MAML3: variants seen among roughly 807,000 people sequenced by gnomAD.
MAML3 encodes the protein mastermind like transcriptional coactivator 3.
MAML3 carries 27 observed loss-of-function variants against 101.9 expected under a neutral mutation model. The ratio of observed to expected loss-of-function variants is 0.27; its 90% CI spans 0.20 to 0.37. MAML3 has a LOEUF of 0.37. Ranked by LOEUF, MAML3 falls within the 10% of genes least tolerant of loss-of-function variation. The pLI is 1.00. For missense variants in MAML3, 1,316 were observed against 1,444.9 expected (o/e 0.91, Z 1.45); for synonymous variants, 501 against 555.9 (o/e 0.90, Z 1.39).
intron 1 of MAML3, among the ~76,000 whole-genome samples, chr4:139,960,442 C>T (rs1277707110): frequency 6.6e-6 from 1 of 152,148 alleles, no homozygotes; most frequent in Non-Finnish European, 1.5e-5. Flanking sequence ...TGCTGGAGCT[C>T]CTCTGCTATA....
At chr4:139,923,228 G>A (rs1733159029) in intron 1 of MAML3, among the ~76,000 whole-genome samples, 4 of 152,090 alleles carry the variant, frequency 2.6e-5, no homozygotes, top group Admixed American at 2.0e-4. Flanking sequence ...GGATCCAGAC[G>A]GTGGAAGCTC....
At chr4:139,886,547 A>G (rs1732342441) in intron 2 of MAML3, among the ~76,000 whole-genome samples, 1 of 152,190 alleles carries the variant, frequency 6.6e-6, no homozygotes, top group South Asian at 2.1e-4. Context: ...ATTAAAAGTC[A>G]CAATTTGGAT....
At chr4:139,793,897 C>T (rs1354225784) in intron 2 of MAML3, among the ~76,000 whole-genome samples, 5 of 152,158 alleles carry the variant, frequency 3.3e-5, no homozygotes, top group African/African-American at 1.2e-4. Context: ...ACTGAGAATA[C>T]ATTACTTTCT....
intron 1 of MAML3, among the ~76,000 whole-genome samples, chr4:140,031,109 G>A (rs886757906): frequency 6.6e-6 from 1 of 152,104 alleles, no homozygotes; most frequent in Non-Finnish European, 1.5e-5. Flanking sequence ...CACGAGTTAT[G>A]ATTACTCTCC....
At chr4:139,955,177 T>C (rs1733895604) in intron 1 of MAML3, among the ~76,000 whole-genome samples, 1 of 152,088 alleles carries the variant, frequency 6.6e-6, no homozygotes, top group Admixed American at 6.5e-5. Flanking sequence ...TTTTTCTACA[T>C]CAATTATCCA....
chr4:139,885,046 T>C (rs1732300532), intron 2 of MAML3, among the ~76,000 whole-genome samples: 1 of 152,194 alleles, frequency 6.6e-6, no homozygotes, highest in South Asian at 2.1e-4. Context: ...TTGGAGAACA[T>C]GTAGTGTATA....
At chr4:139,963,896 G>A (rs1003860558) in intron 1 of MAML3, among the ~76,000 whole-genome samples, 1 of 152,186 alleles carries the variant, frequency 6.6e-6, no homozygotes, top group Non-Finnish European at 1.5e-5. Context: ...TGATGGCTAT[G>A]TTCCACAGGA....
chr4:139,867,894 G>A (rs1242535347), intron 2 of MAML3, among the ~76,000 whole-genome samples: 1 of 152,192 alleles, frequency 6.6e-6, no homozygotes, highest in Non-Finnish European at 1.5e-5. Flanking sequence ...GGGATGGCCT[G>A]GCTGCCCCGG....
intron 1 of MAML3, among the ~76,000 whole-genome samples, chr4:139,916,685 C>T (rs1205045057): frequency 1.3e-5 from 2 of 152,190 alleles, no homozygotes; most frequent in African/African-American, 4.8e-5. Context: ...CTGCCTTCAC[C>T]CAGGTCTTTC....
chr4:140,143,721 A>G (rs1729012461), intron 1 of MAML3, among the ~76,000 whole-genome samples: 1 of 152,190 alleles, frequency 6.6e-6, no homozygotes. Flanking sequence ...AGATCATACC[A>G]CTGCACTCTA....
chr4:139,798,073 AAAG>A (rs1371048528), intron 2 of MAML3, among the ~76,000 whole-genome samples: 4 of 141,470 alleles, frequency 2.8e-5, no homozygotes, highest in African/African-American at 1.2e-4. Flanking sequence ...AGAAAGAAAG[AAAG>A]AAAGAAAGAA....
At chr4:140,082,744 ATT>A (rs34036610) in intron 1 of MAML3, among the ~76,000 whole-genome samples, 1 of 147,240 alleles carries the variant, frequency 6.8e-6, no homozygotes, top group Non-Finnish European at 1.5e-5. Context: ...CCACTCTAGG[ATT>A]TTTTTTTTTT....
At chr4:140,091,002 G>T (rs1023810022) in intron 1 of MAML3, among the ~76,000 whole-genome samples, 1 of 152,016 alleles carries the variant, frequency 6.6e-6, no homozygotes, top group Admixed American at 6.6e-5. Flanking sequence ...GTAAGCCAAG[G>T]TTGCGCCACT....
intron 1 of MAML3, among the ~76,000 whole-genome samples, chr4:139,990,395 G>A (rs919011848): frequency 9.2e-5 from 14 of 151,500 alleles, no homozygotes; most frequent in South Asian, 4.2e-4. Context: ...TTGATGGGAC[G>A]TATCTCAAAA....
At chr4:139,986,674 A>T (rs1734545247) in intron 1 of MAML3, among the ~76,000 whole-genome samples, 1 of 152,092 alleles carries the variant, frequency 6.6e-6, no homozygotes, top group African/African-American at 2.4e-5. Context: ...TCTCTACAAA[A>T]ATAGAGGCCA....
At chr4:140,000,022 C>G (rs912259523) in intron 1 of MAML3, among the ~76,000 whole-genome samples, 1 of 152,096 alleles carries the variant, frequency 6.6e-6, no homozygotes, top group South Asian at 2.1e-4. Context: ...GATTAATGAC[C>G]GTTTTTTAAA....
At position 139,730,574 on chromosome 4, in the gene MAML3, C is replaced by T. The variant is rs528267978; in HGVS notation, c.2173G>A (p.Ala725Thr). The T allele has an allele frequency of 1.3e-5, 21 of 1,603,456 alleles. No individual in the cohort carries two copies. The highest frequency in any genetic ancestry group is 5.3e-5 in the African/African-American group (4 of 74,868). Residue 725 changes from alanine to threonine, a missense_variant, in exon 3 of 5, where the codon GCA becomes ACA. Physicochemically the swap from Ala to Thr is moderately conservative, Grantham distance 58. Coordinates refer to ENST00000509479, the MANE Select transcript of MAML3 (RefSeq NM_018717.5). The part of the protein sequence containing the change: ...SGGMVSGASP[A>T]GPGFLGSQPQ... ...TGGCTGCCCAGGAAGCCGGGGCCTG[C>T]GGGACTGGCTCCTGAGACCATGCCA...
chr4:140,088,018 C>T (rs367956302), intron 1 of MAML3, among the ~76,000 whole-genome samples: 3 of 152,116 alleles, frequency 2.0e-5, no homozygotes, highest in Admixed American at 6.6e-5. Flanking sequence ...TGTTTGAGAC[C>T]AGGAGCTCGA....
chr4:139,753,979 A>G (rs1442103464), intron 2 of MAML3, among the ~76,000 whole-genome samples: 1 of 151,834 alleles, frequency 6.6e-6, no homozygotes, highest in Non-Finnish European at 1.5e-5. Flanking sequence ...TTAATGAAAA[A>G]CCTCTTTGCC....
Sources: allele counts gnomAD v4.1 joint callset (sites outside exome capture counted in the v4.1 genomes callset), GRCh38; gene constraint gnomAD v4.1.1; transcripts MANE v1.5; gene names NCBI Gene and HGNC (gene_info 2026-07-23, HGNC 2026-07-21).